The following LPAR1 variants were observed in gnomAD, a reference collection of about 807,000 sequenced individuals.
LPAR1 encodes lysophosphatidic acid receptor 1.
LPAR1 carries 5 observed loss-of-function variants against 23.8 expected under a neutral mutation model. That is an observed-to-expected ratio of 0.21 (90% confidence interval 0.11 to 0.44). The LOEUF (loss-of-function observed/expected upper bound fraction) is 0.44. LPAR1 is among the 20% of genes least tolerant of loss of function. LPAR1 has a pLI of 0.99. For missense variants in LPAR1, 311 were observed against 482.8 expected (o/e 0.64, Z 3.33); for synonymous variants, 160 against 164.7 (o/e 0.97, Z 0.22).
rs866288039 is a variant in LPAR1, at chr9:110,986,620, G to T, written c.-181-13062C>A. On this transcript the variant is annotated intron_variant, in intron 2 of 5. Coordinates refer to ENST00000683809, the MANE Select transcript of LPAR1 (RefSeq NM_001351411.2). Reference sequence around the variant, plus strand: ...AGTAATTCCCAAATGGCCTAAAATAGAAGGAATGTGAATATATGAAGTGAA... The same window carrying T: ...AGTAATTCCCAAATGGCCTAAAATATAAGGAATGTGAATATATGAAGTGAA... Among the ~76,000 whole-genome samples, 4 of 151,698 alleles carry T rather than the reference G, an allele frequency of 2.6e-5. No homozygotes were observed. In the South Asian group the frequency reaches 8.4e-4, roughly 32 times the overall value.
chr9:110,973,654 T>C (rs1196027543), intron 2 of LPAR1, 96 bp from the exon 3 acceptor site: 1 of 152,148 alleles, frequency 6.6e-6, no homozygotes, highest in African/African-American at 2.4e-5. Context: ...CTTATTCACG[T>C]GTTCATTAAG....
chr9:110,913,529 ATG>A (rs1178572033), intron 5 of LPAR1, among the ~76,000 whole-genome samples: 3 of 127,456 alleles, frequency 2.4e-5, no homozygotes, highest in African/African-American at 1.1e-4. Context: ...GTACACACAC[ATG>A]TGTATCAAGT....
At chr9:110,961,737 C>G (rs2095996435) in intron 4 of LPAR1, among the ~76,000 whole-genome samples, 1 of 151,768 alleles carries the variant, frequency 6.6e-6, no homozygotes, top group Non-Finnish European at 1.5e-5. Context: ...AAAGGCACAT[C>G]GTACATGGCC....
intron 2 of LPAR1, among the ~76,000 whole-genome samples, chr9:111,000,086 C>A (rs1454140845): frequency 6.6e-6 from 1 of 152,156 alleles, no homozygotes; most frequent in Non-Finnish European, 1.5e-5. Flanking sequence ...CCTCCTAATA[C>A]CATCGCCTTG....
chr9:110,982,484 T>G (rs553702449), intron 2 of LPAR1, among the ~76,000 whole-genome samples: 2 of 151,648 alleles, frequency 1.3e-5, no homozygotes, highest in Non-Finnish European at 2.9e-5. Context: ...CAGGGGGTGA[T>G]GGACTAGGGG....
intron 4 of LPAR1, among the ~76,000 whole-genome samples, chr9:110,968,214 C>A (rs866709271): frequency 3.3e-5 from 5 of 152,130 alleles, no homozygotes; most frequent in Non-Finnish European, 5.9e-5. Flanking sequence ...CCCATTTATG[C>A]TAATTCTAGC....
intron 5 of LPAR1, among the ~76,000 whole-genome samples, chr9:110,893,107 G>C (rs1260607692): frequency 1.3e-5 from 2 of 152,178 alleles, no homozygotes; most frequent in African/African-American, 4.8e-5. Context: ...GCTCTTACTA[G>C]TGACATAATG....
At chr9:110,959,555 T>C (rs1464388454) in intron 4 of LPAR1, among the ~76,000 whole-genome samples, 1 of 151,668 alleles carries the variant, frequency 6.6e-6, no homozygotes, top group Non-Finnish European at 1.5e-5. Flanking sequence ...GTGGTGGAGG[T>C]TGCAGTGAGC....
chr9:111,009,172 G>T (rs1434911530), intron 2 of LPAR1, among the ~76,000 whole-genome samples: 1 of 151,876 alleles, frequency 6.6e-6, no homozygotes, highest in East Asian at 1.9e-4. Context: ...TGTAAACAGG[G>T]TTCCTAAAAT....
chr9:110,992,931 A>G (rs1012266229), intron 2 of LPAR1, among the ~76,000 whole-genome samples: 2 of 152,220 alleles, frequency 1.3e-5, no homozygotes, highest in Non-Finnish European at 2.9e-5. Context: ...TCGAGAGTAT[A>G]TGCATACGTC....
At chr9:111,014,479 C>T (rs2097398656) in intron 2 of LPAR1, among the ~76,000 whole-genome samples, 1 of 152,056 alleles carries the variant, frequency 6.6e-6, no homozygotes, top group Admixed American at 6.6e-5. Flanking sequence ...CCAACCACCA[C>T]TTGAATGATC....
chr9:110,884,564 G>A (rs2081839107), intron 5 of LPAR1, among the ~76,000 whole-genome samples: 1 of 152,172 alleles, frequency 6.6e-6, no homozygotes, highest in Non-Finnish European at 1.5e-5. Flanking sequence ...GAAAGAACAA[G>A]GATCTGGCTA....
chr9:110,881,778 G>A (rs1171863527), intron 5 of LPAR1, among the ~76,000 whole-genome samples: 1 of 152,152 alleles, frequency 6.6e-6, no homozygotes, highest in Non-Finnish European at 1.5e-5. Context: ...AGTCCAGCTT[G>A]TACAAAACAA....
chr9:110,983,467 T>G (rs1001676316), intron 2 of LPAR1, among the ~76,000 whole-genome samples: 1 of 151,960 alleles, frequency 6.6e-6, no homozygotes, highest in African/African-American at 2.4e-5. Context: ...AGAGACAAAG[T>G]ACAGTAGTAC....
intron 5 of LPAR1, among the ~76,000 whole-genome samples, chr9:110,924,474 G>A (rs2093860689): frequency 6.6e-6 from 1 of 151,052 alleles, no homozygotes; most frequent in Non-Finnish European, 1.5e-5. Flanking sequence ...GGTTAATTAT[G>A]GAAGGTAAAA....
intron 2 of LPAR1, among the ~76,000 whole-genome samples, chr9:111,021,012 G>C (rs1294524770): frequency 6.6e-6 from 1 of 152,110 alleles, no homozygotes; most frequent in Non-Finnish European, 1.5e-5. Context: ...ATAAGAACGA[G>C]TGTAATAACA....
chr9:111,006,015 A>AT (rs972670458), intron 2 of LPAR1, among the ~76,000 whole-genome samples: 8 of 152,262 alleles, frequency 5.3e-5, no homozygotes, highest in Admixed American at 2.6e-4. Flanking sequence ...CACTATAATT[A>AT]TTTTTTTATC....
chr9:110,877,600 G>A (rs2079458989), intron 5 of LPAR1, among the ~76,000 whole-genome samples: 1 of 152,150 alleles, frequency 6.6e-6, no homozygotes, highest in Non-Finnish European at 1.5e-5. Flanking sequence ...ATTATTCTCA[G>A]GATGGAAAAT....
At chr9:111,038,793 C>T (rs1262768045), upstream of LPAR1, 1 of 331,742 alleles carries the variant, frequency 3.0e-6, no homozygotes, top group Non-Finnish European at 6.0e-6. This position sits in a 1 kb window ranked among gnomAD's most constrained non-coding sequence, Gnocchi z 4.4. Flanking sequence ...CCCCGCCCCG[C>T]CCCCGAGTCG....
Sources: gnomAD v4.1 joint callset for allele counts (sites outside exome capture counted in the v4.1 genomes callset) on GRCh38, gnomAD v4.1.1 for gene constraint, Gnocchi (gnomAD v3.1) non-coding constraint, MANE v1.5 for transcripts, NCBI Gene and HGNC (gene_info 2026-07-23, HGNC 2026-07-21) for gene names.